Variants in USP12 observed in about 807,000 individuals in gnomAD.
USP12 encodes ubiquitin specific peptidase 12, also known as ubiquitin carboxyl-terminal hydrolase 12.
In USP12, 19 loss-of-function variants were observed where a neutral mutation model predicts 45.5. The ratio of observed to expected loss-of-function variants is 0.42; its 90% confidence interval spans 0.29 to 0.61. USP12 has a LOEUF of 0.61. Among genes scored for constraint, USP12 ranks in the 20% least tolerant of loss-of-function variants. The pLI, the probability that USP12 is intolerant of heterozygous loss-of-function variation, is 0.22. For missense variants in USP12, 242 were observed against 447.7 expected, an observed-to-expected ratio of 0.54 and a Z score of 4.15; for synonymous variants, 149 against 148.8, an observed-to-expected ratio of 1.00 and a Z score of -0.01.
At chr13:27,116,362 T>G (rs1303946406) in intron 2 of USP12, among the ~76,000 whole-genome samples, 154 bp downstream of exon 2, 1 of 151,580 alleles carries the variant, frequency 6.6e-6, no homozygotes, top group African/African-American at 2.4e-5. Flanking sequence ...TTCCCTTCCC[T>G]TAAAGATCAT....
chr13:27,093,343 CAAAGAA>C (rs1874411999), intron 4 of USP12, among the ~76,000 whole-genome samples: 1 of 148,622 alleles, frequency 6.7e-6, no homozygotes, highest in Non-Finnish European at 1.5e-5. Flanking sequence ...CGACAATACT[CAAAGAA>C]AAACAGCCTG....
At position 27,075,237 on chromosome 13, in the gene USP12, G is replaced by T. The variant is rs1298261664; in HGVS notation, c.886C>A (p.Pro296Thr). The change falls in exon 7 of 9, where the codon CCA becomes ACA. Residue 296 changes from proline to threonine, a missense_variant. Physicochemically the swap from Pro to Thr is conservative, Grantham distance 38. Transcript: ENST00000282344. ...GCAACAAGGTCGTACATTCTGTCTG[G>T]ATTGGTGGCATCACCTGAAGTGTTA... ...LFNTSGDATN[P>T]DRMYDLVAVV... The T allele has an allele frequency of 1.2e-6, 2 of 1,613,940 alleles. No homozygotes were observed. The highest frequency in any genetic ancestry group is 1.1e-5 in the South Asian group (1 of 91,074).
intron 1 of USP12, among the ~76,000 whole-genome samples, chr13:27,131,329 T>C (rs542379487): frequency 1.3e-5 from 2 of 152,306 alleles, no homozygotes; most frequent in East Asian, 3.9e-4. Context: ...GTGAGTCACT[T>C]TCTCAGTCTT....
intron 3 of USP12, among the ~76,000 whole-genome samples, chr13:27,103,646 C>T (rs1463659016): frequency 9.3e-5 from 13 of 139,136 alleles, no homozygotes; most frequent in Admixed American, 8.6e-4. Context: ...GACACAGTGG[C>T]TCATGCCTGT....
At chr13:27,169,680 C>T (rs1878496923) in intron 1 of USP12, among the ~76,000 whole-genome samples, 1 of 152,180 alleles carries the variant, frequency 6.6e-6, no homozygotes, top group South Asian at 2.1e-4. Context: ...CAGAATCCCA[C>T]TTACTAAGTG....
chr13:27,082,457 C>CA, intron 6 of USP12, among the ~76,000 whole-genome samples: 1 of 152,338 alleles, frequency 6.6e-6, no homozygotes, highest in South Asian at 2.1e-4. Flanking sequence ...CCAGGCCACT[C>CA]AAACTTCTCC....
chr13:27,078,349 C>T (rs550384821), intron 6 of USP12, among the ~76,000 whole-genome samples: 1 of 152,110 alleles, frequency 6.6e-6, no homozygotes, highest in South Asian at 2.1e-4. Flanking sequence ...TATGCAAATG[C>T]TATGCCATTT....
chr13:27,166,711 T>G (rs1234938705), intron 1 of USP12, among the ~76,000 whole-genome samples: 2 of 152,134 alleles, frequency 1.3e-5, no homozygotes, highest in Non-Finnish European at 2.9e-5. Flanking sequence ...ATATTAAAAA[T>G]TTCAGATCAT....
At chr13:27,102,084 T>C (rs1409690567) in intron 3 of USP12, among the ~76,000 whole-genome samples, 1 of 152,176 alleles carries the variant, frequency 6.6e-6, no homozygotes, top group African/African-American at 2.4e-5. Context: ...GACAGAAAAG[T>C]AGATCTGCCC....
chr13:27,153,105 G>A (rs1324616197), intron 1 of USP12, among the ~76,000 whole-genome samples: 2 of 152,124 alleles, frequency 1.3e-5, no homozygotes, highest in Non-Finnish European at 2.9e-5. Context: ...GCTGAGGCAG[G>A]CTGATCACCT....
chr13:27,073,347 T>C (rs941087432), intron 7 of USP12, among the ~76,000 whole-genome samples: 1 of 152,114 alleles, frequency 6.6e-6, no homozygotes, highest in Non-Finnish European at 1.5e-5. Context: ...ATTCTGACAG[T>C]AGGGATTCAG....
At chr13:27,082,960 C>T (rs1258417328) in intron 6 of USP12, among the ~76,000 whole-genome samples, 1 of 152,194 alleles carries the variant, frequency 6.6e-6, no homozygotes. Context: ...CTCAGCCTCC[C>T]GAGTTGCTGG....
At chr13:27,128,446 C>CA (rs1876343770) in intron 1 of USP12, among the ~76,000 whole-genome samples, 1 of 152,072 alleles carries the variant, frequency 6.6e-6, no homozygotes. Flanking sequence ...AAAAAACTTT[C>CA]AAAAAATTAA....
At chr13:27,126,213 T>G (rs1876230399) in intron 1 of USP12, among the ~76,000 whole-genome samples, 1 of 152,194 alleles carries the variant, frequency 6.6e-6, no homozygotes, top group Non-Finnish European at 1.5e-5. Context: ...GGGAGACACC[T>G]CCCAGTAGGG....
rs151153727 is a variant in USP12 at position 27,159,601 on chromosome 13, G to A, written c.48+11991C>T. On this transcript the variant is annotated intron_variant, in intron 1 of 8. Transcript: ENST00000282344. ...CCAAATATCCTAACTCTCTTTAACA[G>A]TCTGTTCTAGATTTATCATCTATAC... 8.3e-3 allele frequency among the ~76,000 whole-genome samples: 1,269 copies of A among 152,262 alleles called. 12 individuals carry two copies. Among genetic ancestry groups the A allele is most frequent in the Non-Finnish European group, 0.011 (750 of 68,020 alleles).
At chr13:27,086,197 AATATAT>A (rs1555233236) in intron 6 of USP12, among the ~76,000 whole-genome samples, 9 of 56,934 alleles carry the variant, frequency 1.6e-4, no homozygotes, top group African/African-American at 6.2e-4. Context: ...AAAAAAAAAA[AATATAT>A]ATATATATAT....
At chr13:27,091,442 G>A (rs1419577657) in intron 4 of USP12, among the ~76,000 whole-genome samples, 1 of 152,164 alleles carries the variant, frequency 6.6e-6, no homozygotes, top group Non-Finnish European at 1.5e-5. Context: ...TAGATCACCT[G>A]GGTGCATGAG....
intron 7 of USP12, among the ~76,000 whole-genome samples, chr13:27,072,746 G>T (rs1027149191): frequency 2.0e-5 from 3 of 152,056 alleles, no homozygotes; most frequent in African/African-American, 7.2e-5. Flanking sequence ...TTTTGACATG[G>T]GCTTGAAGGG....
chr13:27,087,564 AGCTCTGCTC>A (rs1339663695), intron 6 of USP12, among the ~76,000 whole-genome samples: 1 of 152,244 alleles, frequency 6.6e-6, no homozygotes, highest in African/African-American at 2.4e-5. Flanking sequence ...TCTATCCTCT[AGCTCTGCTC>A]ACTAAGCGGG....
Sources: allele counts gnomAD v4.1 joint callset (sites outside exome capture counted in the v4.1 genomes callset), GRCh38; gene constraint gnomAD v4.1.1; transcripts MANE v1.5; gene names NCBI Gene and HGNC (gene_info 2026-07-23, HGNC 2026-07-21).